LIN54: variants seen among roughly 807,000 people sequenced by gnomAD.
The protein encoded by LIN54 is protein lin-54 homolog.
LIN54 carries 9 observed loss-of-function variants against 78.7 expected under a neutral mutation model. That is an observed-to-expected ratio of 0.11 (90% CI 0.07 to 0.20). The LOEUF (loss-of-function observed/expected upper bound fraction) is 0.20. Ranked by LOEUF, LIN54 falls within the 10% of genes least tolerant of loss-of-function variation. The pLI is 1.00. For synonymous variants in LIN54, 269 were observed against 318.4 expected (o/e 0.84, Z 1.65); for missense variants, 573 against 889.9 (o/e 0.64, Z 4.53).
chr4:82,998,040 A>C (rs1253836480), intron 1 of LIN54, among the ~76,000 whole-genome samples: 3 of 26,222 alleles, frequency 1.1e-4, no homozygotes, highest in African/African-American at 2.8e-4. Context: ...ATATATATAC[A>C]CACACGTATA....
chr4:83,010,899 TCCCGCCGC>T, upstream of LIN54: 3 of 1,001,412 alleles, frequency 3.0e-6, no homozygotes, highest in Middle Eastern at 3.8e-4. Flanking sequence ...CGGGGAAGCC[TCCCGCCGC>T]CCCGCCAACC....
chr4:82,956,542 G>A (rs144703583), intron 4 of LIN54, among the ~76,000 whole-genome samples: 42 of 152,104 alleles, frequency 2.8e-4, no homozygotes, highest in African/African-American at 9.9e-4. Flanking sequence ...CTGAGCCTGG[G>A]AAGTTAAGGC....
intron 2 of LIN54, among the ~76,000 whole-genome samples, chr4:82,983,258 C>T (rs1467030826): frequency 6.6e-6 from 1 of 152,084 alleles, no homozygotes; most frequent in African/African-American, 2.4e-5. Flanking sequence ...ATCCGCCCAC[C>T]TCAGCCTGCC....
At chr4:82,981,718 G>A (rs1726665840) in intron 2 of LIN54, among the ~76,000 whole-genome samples, 2 of 151,826 alleles carry the variant, frequency 1.3e-5, no homozygotes. Flanking sequence ...TTTTTTATTA[G>A]ATAGAAACAG....
At position 82,991,244 on chromosome 4, in the gene LIN54, A is replaced by T. The variant is rs181270081; in HGVS notation, c.-32-6368T>A. ...GTTAGCAATGTTGTGCACTTTAAGT[A>T]TATAGGTCTTATACATATTTTGTTA... On this transcript the variant is annotated intron_variant, in intron 1 of 12. Coordinates refer to ENST00000340417, the MANE Select transcript of LIN54 (RefSeq NM_194282.4). Among the ~76,000 whole-genome samples, 3 of 151,796 alleles carry T rather than the reference A, an allele frequency of 2.0e-5. No homozygotes were observed. The East Asian group carries it at 5.8e-4, about 29-fold the overall frequency.
chr4:82,932,243 C>T (rs71631361), intron 11 of LIN54, among the ~76,000 whole-genome samples: 2 of 150,824 alleles, frequency 1.3e-5, no homozygotes, highest in African/African-American at 4.9e-5. Flanking sequence ...TACAGGCACC[C>T]GCCACCACGC....
chr4:82,928,768 C>T (rs1018172931), intron 12 of LIN54, among the ~76,000 whole-genome samples: 1 of 152,102 alleles, frequency 6.6e-6, no homozygotes, highest in Non-Finnish European at 1.5e-5. Flanking sequence ...ATCTCTTCGG[C>T]AAAATGAAAA....
intron 4 of LIN54, among the ~76,000 whole-genome samples, chr4:82,959,913 T>G (rs558638559): frequency 6.6e-4 from 101 of 152,324 alleles, no homozygotes; most frequent in South Asian, 1.5e-3. Flanking sequence ...CACAAATTAT[T>G]TTTAAGAAGT....
intron 11 of LIN54, among the ~76,000 whole-genome samples, chr4:82,931,514 T>C (rs1320224123): frequency 6.6e-6 from 1 of 152,190 alleles, no homozygotes; most frequent in Non-Finnish European, 1.5e-5. Context: ...CATTAACATA[T>C]AGATGACCTC....
intron 4 of LIN54, among the ~76,000 whole-genome samples, chr4:82,961,584 G>A (rs1415372517): frequency 2.0e-5 from 3 of 152,166 alleles, no homozygotes; most frequent in Non-Finnish European, 2.9e-5. Context: ...CATATGTAAG[G>A]ATGTCCAGGA....
At chr4:82,952,927 T>C (rs941115190) in intron 4 of LIN54, among the ~76,000 whole-genome samples, 1 of 152,156 alleles carries the variant, frequency 6.6e-6, no homozygotes. Context: ...TATGGAGACA[T>C]TAGTAGAATA....
chr4:82,991,154 G>GAAAA (rs56936823), intron 1 of LIN54, among the ~76,000 whole-genome samples: 7 of 86,356 alleles, frequency 8.1e-5, no homozygotes, highest in Admixed American at 2.7e-4. Context: ...TGTCTCTTAA[G>GAAAA]AAAAAAAAAA....
At chr4:82,998,409 G>A (rs1728425604) in intron 1 of LIN54, among the ~76,000 whole-genome samples, 1 of 152,084 alleles carries the variant, frequency 6.6e-6, no homozygotes, top group African/African-American at 2.4e-5. Flanking sequence ...CGGGCATGGT[G>A]CTACATGCCT....
intron 11 of LIN54, among the ~76,000 whole-genome samples, chr4:82,931,722 AAATGT>A (rs1477988195): frequency 1.3e-5 from 2 of 152,204 alleles, no homozygotes; most frequent in African/African-American, 4.8e-5. Context: ...AAAATATGTC[AAATGT>A]AAGTATATAT....
chr4:82,946,979 C>G (rs905342786), intron 4 of LIN54, among the ~76,000 whole-genome samples: 1 of 151,674 alleles, frequency 6.6e-6, no homozygotes, highest in African/African-American at 2.4e-5. Context: ...GTCTTGAACT[C>G]CTGACCTCAG....
At chr4:82,997,865 G>A (rs1276663730) in intron 1 of LIN54, among the ~76,000 whole-genome samples, 4 of 150,882 alleles carry the variant, frequency 2.7e-5, no homozygotes, top group South Asian at 2.1e-4. Context: ...ATGGTGGTGC[G>A]CTCCTATAAT....
intron 4 of LIN54, among the ~76,000 whole-genome samples, chr4:82,964,074 G>A (rs570549226): frequency 5.1e-4 from 75 of 148,312 alleles, no homozygotes; most frequent in African/African-American, 1.7e-3. Context: ...TTTTTGAGAC[G>A]GAGTCTCACT....
At chr4:82,992,501 C>T (rs1056981336) in intron 1 of LIN54, among the ~76,000 whole-genome samples, 1 of 152,014 alleles carries the variant, frequency 6.6e-6, no homozygotes, top group Non-Finnish European at 1.5e-5. Flanking sequence ...ATATCAAGAC[C>T]CCATCTCAAC....
At chr4:82,994,690 T>G in intron 1 of LIN54, among the ~76,000 whole-genome samples, 1 of 128,246 alleles carries the variant, frequency 7.8e-6, no homozygotes, top group African/African-American at 2.9e-5. Flanking sequence ...ATGAGCCACC[T>G]TGCCCAGCCA....
Sources: allele counts gnomAD v4.1 joint callset (sites outside exome capture counted in the v4.1 genomes callset), GRCh38; gene constraint gnomAD v4.1.1; transcripts MANE v1.5; gene names NCBI Gene and HGNC (gene_info 2026-07-23, HGNC 2026-07-21).